LCP1: variants seen among roughly 807,000 people sequenced by gnomAD.
The protein encoded by LCP1 is plastin-2.
In LCP1, 23 loss-of-function variants were observed where a neutral mutation model predicts 72.0. The ratio of observed to expected loss-of-function variants is 0.32; its 90% CI spans 0.23 to 0.45. LCP1 has a LOEUF of 0.45. Ranked by LOEUF, LCP1 falls within the 20% of genes least tolerant of loss-of-function variation. LCP1 has a pLI of 1.00. For missense variants in LCP1, 571 were observed against 748.3 expected, an observed-to-expected ratio of 0.76 and a Z score of 2.76; for synonymous variants, 245 against 275.4, an observed-to-expected ratio of 0.89 and a Z score of 1.09.
chr13:46,175,033 G>A (rs942256050), intron 1 of LCP1, among the ~76,000 whole-genome samples: 2 of 151,878 alleles, frequency 1.3e-5, no homozygotes, highest in Non-Finnish European at 2.9e-5. Context: ...GAGAGGAAAG[G>A]TGTGAATCTT....
At chr13:46,144,339 T>C (rs1431081920) in intron 11 of LCP1, 103 bp downstream of exon 11, 13 of 894,702 alleles carry the variant, frequency 1.5e-5, no homozygotes, top group Non-Finnish European at 2.2e-5. Context: ...CAGCAAGGTA[T>C]GCACATTTTG....
chr13:46,129,077 AT>A (rs1466240326), intron 15 of LCP1, among the ~76,000 whole-genome samples: 1 of 152,192 alleles, frequency 6.6e-6, no homozygotes, highest in East Asian at 1.9e-4. Context: ...AGTAAAATTA[AT>A]TTTTCCCCAT....
chr13:46,179,774 A>T (rs1043262164), intron 1 of LCP1, among the ~76,000 whole-genome samples: 1 of 151,872 alleles, frequency 6.6e-6, no homozygotes, highest in South Asian at 2.1e-4. Flanking sequence ...GGGTAGTGGG[A>T]GGTTGAACAG....
chr13:46,160,723 C>T (rs2045832893), intron 1 of LCP1, among the ~76,000 whole-genome samples: 1 of 152,134 alleles, frequency 6.6e-6, no homozygotes, highest in Non-Finnish European at 1.5e-5. Flanking sequence ...CTCCATGCCC[C>T]TAGCTAATCC....
chr13:46,150,948 A>G lies in LCP1; in HGVS notation c.870T>C (p.Ser290=). Reference sequence around the variant, plus strand: ...ACGCTCCTCCTACCTTGATGTCAGTACTGAAGTTGCCAATTTTGTTGCAGC... The same window carrying G: ...ACGCTCCTCCTACCTTGATGTCAGTGCTGAAGTTGCCAATTTTGTTGCAGC... The part of the protein sequence containing the change: ...NAGCNKIGNF[S]TDIKDSKAYY... Residue 290 remains serine (S), a synonymous_variant, in exon 8 of 16, where the codon AGT becomes AGC. Transcript: ENST00000323076. The G allele has an allele frequency of 6.2e-7, 1 of 1,613,872 alleles. No individual in the cohort carries two copies.
intron 13 of LCP1, among the ~76,000 whole-genome samples, chr13:46,136,074 TACACACACACACACACAC>T (rs58984200): frequency 2.3e-4 from 33 of 144,034 alleles, no homozygotes; most frequent in African/African-American, 7.7e-4. Context: ...CATCGTGTGC[TACACACACACACACACAC>T]ACACACACAC....
At chr13:46,149,912 G>A (rs2045753696) in intron 8 of LCP1, among the ~76,000 whole-genome samples, 1 of 152,218 alleles carries the variant, frequency 6.6e-6, no homozygotes, top group Non-Finnish European at 1.5e-5. Context: ...GGTGGTGCTA[G>A]AAGAATGTTA....
chr13:46,138,015 G>T (rs1272947887), intron 13 of LCP1, among the ~76,000 whole-genome samples: 1 of 152,180 alleles, frequency 6.6e-6, no homozygotes, highest in Non-Finnish European at 1.5e-5. Context: ...GTTTGACCTG[G>T]GGAGAGTTTC....
intron 8 of LCP1, among the ~76,000 whole-genome samples, chr13:46,150,556 T>C (rs1390639392): frequency 6.6e-6 from 1 of 152,204 alleles, no homozygotes; most frequent in Non-Finnish European, 1.5e-5. Flanking sequence ...AGAAGAGTCA[T>C]CTTCATTTAA....
chr13:46,152,570 A>G (rs1363223549), intron 7 of LCP1, among the ~76,000 whole-genome samples: 1 of 152,210 alleles, frequency 6.6e-6, no homozygotes, highest in East Asian at 1.9e-4. Context: ...AACAAACATT[A>G]TTGTTAGTCT....
chr13:46,169,635 G>A (rs1330895071), intron 1 of LCP1: 1 of 152,120 alleles, frequency 6.6e-6, no homozygotes, highest in East Asian at 1.9e-4. Context: ...CAAACTTAGT[G>A]CTGACACCCA....
intron 4 of LCP1, 81 bp from the exon 5 acceptor site, chr13:46,156,651 C>T: frequency 6.9e-7 from 1 of 1,450,164 alleles, no homozygotes. Flanking sequence ...ATCTTAAATT[C>T]TCATTCCCAG....
chr13:46,178,528 A>G (rs1002120536), intron 1 of LCP1, among the ~76,000 whole-genome samples: 6 of 152,208 alleles, frequency 3.9e-5, no homozygotes, highest in Non-Finnish European at 8.8e-5. Context: ...GAGCCTCAAA[A>G]TGAAGACCCT....
intron 4 of LCP1, among the ~76,000 whole-genome samples, chr13:46,156,893 C>T (rs557060418): frequency 1.3e-5 from 2 of 151,032 alleles, no homozygotes; most frequent in South Asian, 4.2e-4. Context: ...GCGATCTCGG[C>T]TCACTGCAAG....
chr13:46,144,487 C>A lies in LCP1; in HGVS notation c.1208G>T (p.Trp403Leu). ...ETREERTFRNWMNSLGVNPRV... is the reference protein window; with the variant it reads ...ETREERTFRNLMNSLGVNPRV... ...AGGGTTAACACCCAGGGAGTTCATC[C>A]AGTTCCTAAATGTCCGCTCTTCTCT... The change falls in exon 11 of 16, where the codon TGG (tryptophan) becomes TTG (leucine). Residue 403 changes from tryptophan (W) to leucine (L), a missense_variant. Coordinates refer to ENST00000323076, the MANE Select transcript of LCP1 (RefSeq NM_002298.5). The A allele has an allele frequency of 3.1e-6, 5 of 1,613,914 alleles. No individual in the cohort carries two copies. The highest frequency in any genetic ancestry group is 4.2e-6 in the Non-Finnish European group (5 of 1,179,790).
intron 8 of LCP1, among the ~76,000 whole-genome samples, chr13:46,150,674 C>T (rs2045758085): frequency 6.6e-6 from 1 of 152,138 alleles, no homozygotes; most frequent in Non-Finnish European, 1.5e-5. Context: ...CTTGCTCTTC[C>T]TCTAGCTCAC....
Position 46,127,575 on chromosome 13 carries a change from C to G in LCP1, c.*16G>C. The G allele has an allele frequency of 6.2e-7, 1 of 1,613,970 alleles. No homozygotes were observed. The highest frequency in any genetic ancestry group is 8.5e-7 in the Non-Finnish European group (1 of 1,179,930). On this transcript the variant is annotated 3_prime_UTR_variant, in exon 16 of 16. Transcript: ENST00000323076. ...CAGGAGTGAGTGCACCGCCTCCCAC[C>G]CAGCCCCATTGGGCCTCACACCCTC...
chr13:46,167,336 G>C (rs1193082035), intron 1 of LCP1, among the ~76,000 whole-genome samples: 1 of 152,168 alleles, frequency 6.6e-6, no homozygotes, highest in African/African-American at 2.4e-5. Context: ...ATCTTACAGA[G>C]CCTGGCTCTG....
At chr13:46,175,326 A>G (rs970631497) in intron 1 of LCP1, among the ~76,000 whole-genome samples, 2 of 152,164 alleles carry the variant, frequency 1.3e-5, no homozygotes, top group African/African-American at 4.8e-5. Context: ...ACACCTAGCG[A>G]GTAGATAGCA....
Sources: allele counts gnomAD v4.1 joint callset (sites outside exome capture counted in the v4.1 genomes callset), GRCh38; gene constraint gnomAD v4.1.1; transcripts MANE v1.5; gene names NCBI Gene and HGNC (gene_info 2026-07-23, HGNC 2026-07-21).